Variants in DPF3 observed in about 807,000 individuals in gnomAD.
DPF3 encodes double PHD fingers 3.
DPF3 carries 18 observed loss-of-function variants against 56.8 expected under a neutral mutation model. That is an observed-to-expected ratio of 0.32 (90% confidence interval 0.22 to 0.47). DPF3 has a LOEUF of 0.47. Among genes scored for constraint, DPF3 ranks in the 20% least tolerant of loss-of-function variants. The pLI is 1.00. For synonymous variants in DPF3, 188 were observed against 180.2 expected (o/e 1.04, Z -0.35); for missense variants, 403 against 488.8 (o/e 0.82, Z 1.65).
intron 8 of DPF3, among the ~76,000 whole-genome samples, chr14:72,664,447 C>T (rs58819299): frequency 0.048 from 7,238 of 152,154 alleles, 315 homozygotes; most frequent in East Asian, 0.15. Flanking sequence ...TTCCTCTGGT[C>T]AGGTCAACTG....
rs553758874 is a variant in DPF3, at chr14:72,834,167, G to A, written c.32+59890C>T. On this transcript the variant is annotated intron_variant, in intron 1 of 10. Coordinates refer to ENST00000556509, the MANE Select transcript of DPF3 (RefSeq NM_001280542.3). ...CACTCCAGCCCGAGTGACAGAGTGA[G>A]ACTCTGTCTCAAAACAAACAAACAA... Among the ~76,000 whole-genome samples the A allele has an allele frequency of 4.0e-5, 6 of 151,478 alleles. No individual in the cohort carries two copies. The South Asian group carries it at 1.3e-3, about 32-fold the overall frequency.
At chr14:72,804,362 G>A (rs1879819078) in intron 1 of DPF3, among the ~76,000 whole-genome samples, 1 of 152,112 alleles carries the variant, frequency 6.6e-6, no homozygotes, top group African/African-American at 2.4e-5. Flanking sequence ...TAGGAGAAGC[G>A]ATGGCGAAGT....
rs1297761545 is a variant in DPF3, at chr14:72,614,393, C to T, written c.*4904G>A. Among the ~76,000 whole-genome samples the T allele has an allele frequency of 2.0e-5, 3 of 152,176 alleles. No individual in the cohort carries two copies. In the East Asian group the frequency reaches 5.8e-4, roughly 29 times the overall value. On this transcript the variant is annotated 3_prime_UTR_variant, in exon 11 of 11. Transcript: ENST00000556509. ...GATGGGAGTAAGATTTCAAAACGGG[C>T]AACACACAGCAGGAAGAGGAGGAGC...
chr14:72,752,026 C>T lies in DPF3; in HGVS notation c.301+1238G>A, dbSNP rs117429842. ...ATAAAACTTCTATTTAAGTGAAATA[C>T]GGATTGAAGCGAACAATCAAAGCAG... On this transcript the variant is annotated intron_variant, in intron 3 of 10. Coordinates refer to ENST00000556509, the MANE Select transcript of DPF3 (RefSeq NM_001280542.3). Among the ~76,000 whole-genome samples, 638 of 152,274 alleles carry T rather than the reference C, an allele frequency of 4.2e-3. 39 individuals carry two copies. In the East Asian group the frequency reaches 0.11, roughly 25 times the overall value.
At chr14:72,640,795 G>T (rs1255643657) in intron 8 of DPF3, among the ~76,000 whole-genome samples, 1 of 152,208 alleles carries the variant, frequency 6.6e-6, no homozygotes, top group Non-Finnish European at 1.5e-5. Context: ...GAAAATGTGG[G>T]TCTACATTCA....
At chr14:72,838,366 C>A (rs1599485787) in intron 1 of DPF3, among the ~76,000 whole-genome samples, 1 of 152,120 alleles carries the variant, frequency 6.6e-6, no homozygotes, top group Non-Finnish European at 1.5e-5. Flanking sequence ...TGGTGGTGCA[C>A]ACCTGTAATC....
intron 2 of DPF3, among the ~76,000 whole-genome samples, chr14:72,756,873 G>GAAAGAAAGA (rs1890832673): frequency 1.8e-5 from 1 of 55,504 alleles, no homozygotes; most frequent in African/African-American, 7.8e-5. Flanking sequence ...AGAAAGAAAG[G>GAAAGAAAGA]AAGGAAAGAA....
intron 1 of DPF3, among the ~76,000 whole-genome samples, chr14:72,780,053 C>A (rs1325591461): frequency 3.9e-5 from 6 of 152,234 alleles, no homozygotes; most frequent in Non-Finnish European, 8.8e-5. Context: ...ATGCCTGCCA[C>A]ATTGGGTAAA....
chr14:72,768,435 G>A (rs1450613666), intron 2 of DPF3, among the ~76,000 whole-genome samples: 1 of 152,152 alleles, frequency 6.6e-6, no homozygotes, highest in African/African-American at 2.4e-5. Context: ...GATTGTAGAA[G>A]TGGTTACACA....
intron 5 of DPF3, among the ~76,000 whole-genome samples, chr14:72,718,896 G>A (rs1436108661): frequency 1.3e-5 from 2 of 149,840 alleles, no homozygotes; most frequent in Non-Finnish European, 3.0e-5. Context: ...TCAGCCCCCT[G>A]AGTAGCTGGG....
At chr14:72,716,339 G>A (rs956743340) in intron 5 of DPF3, among the ~76,000 whole-genome samples, 3 of 152,096 alleles carry the variant, frequency 2.0e-5, no homozygotes, top group East Asian at 1.9e-4. Flanking sequence ...AATGGGGATC[G>A]TGTCTATAGG....
At chr14:72,623,350 T>A (rs1396099983) in intron 9 of DPF3, among the ~76,000 whole-genome samples, 1 of 152,188 alleles carries the variant, frequency 6.6e-6, no homozygotes, top group African/African-American at 2.4e-5. Context: ...GGCAAATGAA[T>A]TTGGTTATGT....
At chr14:72,798,608 C>T (rs893680524) in intron 1 of DPF3, among the ~76,000 whole-genome samples, 16 of 152,216 alleles carry the variant, frequency 1.1e-4, no homozygotes, top group Non-Finnish European at 2.1e-4. Context: ...ATGGAGAACT[C>T]GGGGTCCCTA....
intron 5 of DPF3, among the ~76,000 whole-genome samples, chr14:72,716,713 G>A (rs559881434): frequency 1.1e-4 from 16 of 152,232 alleles, no homozygotes; most frequent in African/African-American, 3.6e-4. Flanking sequence ...ATAAACATTC[G>A]CCAAATGGAT....
intron 1 of DPF3, 52 bp downstream of exon 1, chr14:72,894,005 T>G (rs1421258981): frequency 1.2e-6 from 2 of 1,603,930 alleles, no homozygotes; most frequent in African/African-American, 2.7e-5. Flanking sequence ...AAGGCGCCTT[T>G]TTTTTCATAT....
chr14:72,836,310 A>T, intron 1 of DPF3: 1 of 985,588 alleles, frequency 1.0e-6, no homozygotes, highest in Non-Finnish European at 1.2e-6. Flanking sequence ...TCCCAGGGCA[A>T]CCCTGGATAA....
rs1238552429 is a variant in DPF3, at chr14:72,613,906, G to A, written c.*5391C>T. Among the ~76,000 whole-genome samples the A allele has an allele frequency of 1.3e-5, 2 of 152,148 alleles. No individual in the cohort carries two copies. Among genetic ancestry groups the A allele is most frequent in the East Asian group, 1.9e-4 (1 of 5,174 alleles). On this transcript the variant is annotated 3_prime_UTR_variant, in exon 11 of 11. Transcript: ENST00000556509. ...GGCAGTTCCCACTCGCTCTGCCTGG[G>A]AGGTTGTCTATCCTCCCACATCCCG...
intron 8 of DPF3, among the ~76,000 whole-genome samples, chr14:72,637,817 C>T (rs1367656176): frequency 6.6e-6 from 1 of 152,022 alleles, no homozygotes; most frequent in African/African-American, 2.4e-5. Context: ...AAGAAAAAAA[C>T]TAAGAAAGAA....
At chr14:72,870,728 T>C (rs1885865876) in intron 1 of DPF3, among the ~76,000 whole-genome samples, 1 of 152,236 alleles carries the variant, frequency 6.6e-6, no homozygotes, top group African/African-American at 2.4e-5. Flanking sequence ...TATTGGCTAG[T>C]GTGTCTCCTC....
Sources: allele counts gnomAD v4.1 joint callset (sites outside exome capture counted in the v4.1 genomes callset), GRCh38; gene constraint gnomAD v4.1.1; transcripts MANE v1.5; gene names NCBI Gene and HGNC (gene_info 2026-07-23, HGNC 2026-07-21).